Variants in RDX observed in about 807,000 individuals in gnomAD.
RDX encodes the protein deafness, autosomal recessive 24.
A neutral mutation model predicts 83.7 loss-of-function variants in RDX; 32 were observed. The ratio of observed to expected loss-of-function variants is 0.38; its 90% confidence interval spans 0.29 to 0.51. RDX has a LOEUF of 0.51. Ranked by LOEUF, RDX falls within the 20% of genes least tolerant of loss-of-function variation. RDX has a pLI of 0.87. For missense variants in RDX, 600 were observed against 689.9 expected, an observed-to-expected ratio of 0.87 and a Z score of 1.46; for synonymous variants, 229 against 222.7, an observed-to-expected ratio of 1.03 and a Z score of -0.25.
chr11:110,233,662 A>G (rs1864730188), intron 12 of RDX, 183 bp from the exon 13 acceptor site: 1 of 652,512 alleles, frequency 1.5e-6, no homozygotes, highest in South Asian at 2.0e-5. Flanking sequence ...AAACATTATT[A>G]TGCAAACCCT....
At chr11:110,263,391 C>T (rs897469970) in intron 5 of RDX, 1 of 152,230 alleles carries the variant, frequency 6.6e-6, no homozygotes, top group Non-Finnish European at 1.5e-5. Context: ...CAGTCACATC[C>T]TTTCCTCAAG....
intron 14 of RDX, among the ~76,000 whole-genome samples, chr11:110,201,654 C>A (rs1863409793): frequency 1.3e-5 from 2 of 152,178 alleles, no homozygotes; most frequent in Non-Finnish European, 2.9e-5. Context: ...AAGCGGTAAG[C>A]CATGGGTTAG....
rs537872061 is a variant in RDX, at chr11:110,230,898, T to C, written c.*971A>G. ...TCACAGATGTAGTAGTGAGGTAGTA[T>C]TGTTGTCCCCTCCTCGGGACTGATG... On this transcript the variant is annotated 3_prime_UTR_variant, in exon 14 of 14. Coordinates refer to ENST00000645495, the MANE Select transcript of RDX (RefSeq NM_002906.4). 1 of 152,754 alleles carries C rather than the reference T, an allele frequency of 6.5e-6. No homozygotes were observed. The highest frequency in any genetic ancestry group is 1.9e-4 in the East Asian group (1 of 5,190). The allele number at this position is 152,754 out of a possible 1,614,324, so 9.5% of individuals were successfully genotyped here. A position where few individuals can be genotyped will look rare whatever the true frequency, so the allele number is the denominator to read the frequency against.
chr11:110,188,783 T>C (rs1053221119), intron 15 of RDX, among the ~76,000 whole-genome samples: 2 of 152,152 alleles, frequency 1.3e-5, no homozygotes, highest in African/African-American at 4.8e-5. Flanking sequence ...TAACCTCTTT[T>C]ATAGACAAGC....
At chr11:110,246,347 G>A (rs909421206) in intron 10 of RDX, among the ~76,000 whole-genome samples, 11 of 152,136 alleles carry the variant, frequency 7.2e-5, no homozygotes, top group African/African-American at 1.9e-4. Context: ...TCAAGAGTAC[G>A]TCTCCACCAC....
intron 5 of RDX, among the ~76,000 whole-genome samples, chr11:110,262,595 A>G (rs1171005523): frequency 6.6e-6 from 1 of 152,096 alleles, no homozygotes; most frequent in Admixed American, 6.6e-5. Context: ...CTCAAAGAAA[A>G]AAAAAAAAAA....
chr11:110,282,505 A>C (rs996394522), intron 1 of RDX, among the ~76,000 whole-genome samples: 2 of 152,236 alleles, frequency 1.3e-5, no homozygotes, highest in African/African-American at 4.8e-5. Flanking sequence ...ACAACTACAA[A>C]GACTCTAATT....
At position 110,272,575 on chromosome 11, in the gene RDX, G is replaced by A; in HGVS notation, c.57C>T (p.Ala19=). ...GTTTGCCAGTTGTATTGGGCTGAAT[G>A]GCAAATTCCAGCTCAGCATCCATTG... ...VTTMDAELEF[A]IQPNTTGKQL... The change falls in exon 3 of 14, where the codon GCC becomes GCT. Residue 19 remains alanine (A), a synonymous_variant. Coordinates refer to ENST00000645495, the MANE Select transcript of RDX (RefSeq NM_002906.4). 6.2e-7 allele frequency: 1 copy of A among 1,612,456 alleles called. No individual in the cohort carries two copies. Among genetic ancestry groups the A allele is most frequent in the Non-Finnish European group, 8.5e-7 (1 of 1,179,370 alleles).
chr11:110,267,378 T>A (rs1860090524), intron 3 of RDX, among the ~76,000 whole-genome samples: 1 of 151,972 alleles, frequency 6.6e-6, no homozygotes, highest in South Asian at 2.1e-4. Context: ...CCAGGTGTGG[T>A]GGTGCACACC....
chr11:110,285,917 T>TA (rs1040957102), intron 1 of RDX, among the ~76,000 whole-genome samples: 6 of 151,856 alleles, frequency 4.0e-5, no homozygotes, highest in African/African-American at 1.2e-4. Flanking sequence ...TTTCTTCTAT[T>TA]AAAAAAAGTA....
intron 15 of RDX, among the ~76,000 whole-genome samples, chr11:110,186,040 G>T (rs1862980862): frequency 6.6e-6 from 1 of 152,346 alleles, no homozygotes; most frequent in Admixed American, 6.5e-5. Flanking sequence ...TTAGTGACTA[G>T]CTTCCCCGCT....
At chr11:110,226,853 GTAA>G (rs1864451520), downstream of RDX, among the ~76,000 whole-genome samples, 3 of 152,066 alleles carry the variant, frequency 2.0e-5, 1 homozygote, top group Admixed American at 2.0e-4. Context: ...TGAAAATTAA[GTAA>G]TTTATCAGAA....
At chr11:110,286,561 T>C (rs1040282838) in intron 1 of RDX, among the ~76,000 whole-genome samples, 3 of 152,374 alleles carry the variant, frequency 2.0e-5, no homozygotes, top group South Asian at 2.1e-4. Context: ...GTGCCTGCAC[T>C]GAAGCATCAA....
chr11:110,189,985 A>G (rs1275089890), intron 15 of RDX, among the ~76,000 whole-genome samples: 9 of 152,202 alleles, frequency 5.9e-5, no homozygotes, highest in Admixed American at 5.9e-4. Flanking sequence ...TGGGAGGCTG[A>G]GGCAGGAGAA....
At chr11:110,203,121 A>G (rs969687559) in intron 14 of RDX, among the ~76,000 whole-genome samples, 1 of 152,190 alleles carries the variant, frequency 6.6e-6, no homozygotes, top group African/African-American at 2.4e-5. Context: ...GTGTCCATCA[A>G]CAGATGAATG....
At chr11:110,206,841 G>C (rs1863623533) in intron 14 of RDX, among the ~76,000 whole-genome samples, 1 of 152,178 alleles carries the variant, frequency 6.6e-6, no homozygotes, top group Non-Finnish European at 1.5e-5. Context: ...TTACTCTAAG[G>C]ACACTGAGTA....
At position 110,264,073 on chromosome 11, in the gene RDX, C is replaced by T. The variant is rs144543614; in HGVS notation, c.354G>A (p.Pro118=). The T allele has an allele frequency of 9.9e-6, 16 of 1,613,698 alleles. No homozygotes were observed. The African/African-American group carries it at 1.3e-4, about 13-fold the overall frequency. Residue 118 remains proline, a synonymous_variant, in exon 5 of 14, where the codon CCG becomes CCA. Coordinates refer to ENST00000645495, the MANE Select transcript of RDX (RefSeq NM_002906.4). The part of the protein sequence containing the change: ...EAILNDEIYC[P]PETAVLLASY... Reference sequence around the variant, plus strand: ...AAGCCAAAAGAACTGCAGTTTCTGGCGGGCAATATATCTCATCATTTAAGA... The same window carrying T: ...AAGCCAAAAGAACTGCAGTTTCTGGTGGGCAATATATCTCATCATTTAAGA...
chr11:110,236,177 A>C lies in RDX; in HGVS notation c.1266T>G (p.Ala422=). Residue 422 remains alanine, a synonymous_variant, in exon 12 of 14, where the codon GCT becomes GCG. Coordinates refer to ENST00000645495, the MANE Select transcript of RDX (RefSeq NM_002906.4). ...GAAGTGCAATCTTGGCAGTGAATTC[A>C]GCAAGTTCTGCTGCCTAAAGTAAAC... The part of the protein sequence containing the change: ...KNQEQLAAEL[A]EFTAKIALLE... 1 of 1,612,628 alleles carries C rather than the reference A, an allele frequency of 6.2e-7. No homozygotes were observed. Among genetic ancestry groups the C allele is most frequent in the Non-Finnish European group, 8.5e-7 (1 of 1,179,498 alleles).
intron 15 of RDX, among the ~76,000 whole-genome samples, chr11:110,183,690 C>T (rs1862931654): frequency 6.6e-6 from 1 of 152,178 alleles, no homozygotes; most frequent in East Asian, 1.9e-4. Flanking sequence ...TTTTTCTCTG[C>T]CACTGCTCTA....
Sources: allele counts gnomAD v4.1 joint callset (sites outside exome capture counted in the v4.1 genomes callset), GRCh38; gene constraint gnomAD v4.1.1; transcripts MANE v1.5; gene names NCBI Gene and HGNC (gene_info 2026-07-23, HGNC 2026-07-21).